PHF11: variants seen among roughly 807,000 people sequenced by gnomAD.
PHF11 encodes the protein BRCA1 C-terminus-associated protein.
A neutral mutation model predicts 40.5 loss-of-function variants in PHF11; 38 were observed. The observed-to-expected ratio is 0.94, with a 90% CI of 0.72 to 1.23. PHF11 has a LOEUF of 1.23. Among genes scored for constraint, PHF11 ranks in the 50% most tolerant of loss-of-function variants. The pLI is 0.00. For synonymous variants in PHF11, 127 were observed against 138.2 expected, an observed-to-expected ratio of 0.92 and a Z score of 0.57; for missense variants, 369 against 392.4, an observed-to-expected ratio of 0.94 and a Z score of 0.50.
intron 1 of PHF11, 22 bp downstream of exon 1, chr13:49,496,117 GGGCGGGC>G: frequency 8.7e-7 from 1 of 1,153,446 alleles, no homozygotes; most frequent in South Asian, 2.7e-5. Context: ...GGGGGCGGGC[GGGCGGGC>G]GGGCGGGGCT....
chr13:49,517,035 A>G (rs1030770592), intron 3 of PHF11, among the ~76,000 whole-genome samples: 3 of 152,146 alleles, frequency 2.0e-5, no homozygotes, highest in Admixed American at 6.5e-5. Context: ...GCTTTAATCC[A>G]TGTACAACTT....
chr13:49,515,258 G>C (rs1959136321), intron 3 of PHF11, among the ~76,000 whole-genome samples: 1 of 151,986 alleles, frequency 6.6e-6, no homozygotes, highest in Non-Finnish European at 1.5e-5. Flanking sequence ...GCAGATACAT[G>C]GCACACACCC....
At chr13:49,500,665 C>G (rs909000397) in intron 1 of PHF11, among the ~76,000 whole-genome samples, 1 of 152,134 alleles carries the variant, frequency 6.6e-6, no homozygotes, top group African/African-American at 2.4e-5. Context: ...CTAGGGAGAA[C>G]CTGTGGGTCC....
At chr13:49,506,889 G>A (rs1216681879) in intron 2 of PHF11, 133 bp downstream of exon 2, 2 of 464,634 alleles carry the variant, frequency 4.3e-6, no homozygotes, top group Non-Finnish European at 7.3e-6. Context: ...TGAAGATTGG[G>A]GAGCATTTCT....
At chr13:49,516,949 A>C (rs1421558340) in intron 3 of PHF11, among the ~76,000 whole-genome samples, 1 of 152,058 alleles carries the variant, frequency 6.6e-6, no homozygotes, top group East Asian at 1.9e-4. Context: ...CCTTGCCTCC[A>C]TACTACGCTT....
At chr13:49,516,308 A>T (rs961655886) in intron 3 of PHF11, among the ~76,000 whole-genome samples, 3 of 152,042 alleles carry the variant, frequency 2.0e-5, no homozygotes, top group Non-Finnish European at 2.9e-5. Flanking sequence ...TGCTTTGTCC[A>T]CTACTGTTTT....
chr13:49,513,452 T>TGA (rs1344854120), intron 3 of PHF11, among the ~76,000 whole-genome samples: 5 of 151,106 alleles, frequency 3.3e-5, no homozygotes, highest in African/African-American at 1.2e-4. Flanking sequence ...TGCCTCAGCC[T>TGA]CCCGAGTAGC....
chr13:49,516,484 TTATC>T (rs1959157198), intron 3 of PHF11, among the ~76,000 whole-genome samples: 1 of 150,066 alleles, frequency 6.7e-6, no homozygotes, highest in South Asian at 2.2e-4. Context: ...TCTTAAAACT[TTATC>T]TAGTATGCTA....
chr13:49,505,258 T>C (rs1958971995), intron 1 of PHF11, among the ~76,000 whole-genome samples: 1 of 151,956 alleles, frequency 6.6e-6, no homozygotes, highest in African/African-American at 2.4e-5. Flanking sequence ...TTTTTCTTGC[T>C]TGGTGGGAAG....
chr13:49,519,114 C>T (rs937663714), intron 4 of PHF11, among the ~76,000 whole-genome samples: 1 of 152,144 alleles, frequency 6.6e-6, no homozygotes, highest in African/African-American at 2.4e-5. Flanking sequence ...GGATTACAGG[C>T]GTGAGCCACC....
chr13:49,499,040 A>G (rs1381774865), intron 1 of PHF11, among the ~76,000 whole-genome samples: 1 of 152,240 alleles, frequency 6.6e-6, no homozygotes, highest in African/African-American at 2.4e-5. Context: ...AGGGCTGAGG[A>G]CTAGGACCTG....
At chr13:49,521,999 T>G (rs778738713) in intron 5 of PHF11, 44 bp from the exon 6 acceptor site, 3 of 969,102 alleles carry the variant, frequency 3.1e-6, no homozygotes, top group Middle Eastern at 2.2e-4. Flanking sequence ...AACAGTAATC[T>G]TTTCCTTTAT....
At chr13:49,517,924 G>T (rs1200535768) in intron 3 of PHF11, 94 bp from the exon 4 acceptor site, 3 of 696,234 alleles carry the variant, frequency 4.3e-6, no homozygotes, top group Non-Finnish European at 7.2e-6. Context: ...AAAATGCAGG[G>T]CTTCTGGAAC....
chr13:49,521,273 A>T, intron 5 of PHF11: 1 of 1,017,036 alleles, frequency 9.8e-7, no homozygotes, highest in Non-Finnish European at 1.2e-6. Flanking sequence ...TAAAATTTTA[A>T]AAGTGCTGCA....
At position 49,510,569 on chromosome 13, in the gene PHF11, C is replaced by T. The variant is rs540528500; in HGVS notation, c.217-2490C>T. ...CATAGCTCACTGCAGCCTTGAACTC[C>T]TGGGCTTAAGCAATTCTCCCACCTC... On this transcript the variant is annotated intron_variant, in intron 2 of 9. Transcript: ENST00000378319. 3.9e-5 allele frequency among the ~76,000 whole-genome samples: 6 copies of T among 152,238 alleles called. No homozygotes were observed. In the South Asian group the frequency reaches 1.0e-3, roughly 26 times the overall value.
intron 1 of PHF11, among the ~76,000 whole-genome samples, chr13:49,503,677 G>T (rs1433995794): frequency 6.6e-6 from 1 of 152,162 alleles, no homozygotes; most frequent in African/African-American, 2.4e-5. Flanking sequence ...TGACATATTT[G>T]GTTGCATAAA....
chr13:49,526,744 A>G (rs895501719), intron 9 of PHF11, among the ~76,000 whole-genome samples: 2 of 152,156 alleles, frequency 1.3e-5, no homozygotes, highest in African/African-American at 2.4e-5. Flanking sequence ...TTTTACTGCT[A>G]TATTTTCCAG....
chr13:49,510,748 G>T (rs915691100), intron 2 of PHF11, among the ~76,000 whole-genome samples: 1 of 152,182 alleles, frequency 6.6e-6, no homozygotes, highest in Non-Finnish European at 1.5e-5. Context: ...TGGGATTAGA[G>T]GCGTGAGCTA....
At chr13:49,509,375 G>A (rs1296658475) in intron 2 of PHF11, among the ~76,000 whole-genome samples, 1 of 152,078 alleles carries the variant, frequency 6.6e-6, no homozygotes, top group Non-Finnish European at 1.5e-5. Context: ...ACCACGCCCA[G>A]CTAATTTTTT....
Sources: allele counts gnomAD v4.1 joint callset (sites outside exome capture counted in the v4.1 genomes callset), GRCh38; gene constraint gnomAD v4.1.1; transcripts MANE v1.5; gene names NCBI Gene and HGNC (gene_info 2026-07-23, HGNC 2026-07-21).